The following MTX2 variants were observed in gnomAD, a reference collection of about 807,000 sequenced individuals.
MTX2 encodes the protein metaxin-2.
MTX2 carries 35 observed loss-of-function variants against 42.3 expected under a neutral mutation model. That is an observed-to-expected ratio of 0.83 (90% CI 0.63 to 1.10). MTX2 has a LOEUF of 1.10. Among genes scored for constraint, MTX2 ranks in the 50% least tolerant of loss-of-function variants. The pLI is 0.00. For synonymous variants in MTX2, 119 were observed against 100.9 expected, an observed-to-expected ratio of 1.18 and a Z score of -1.08; for missense variants, 307 against 304.1, an observed-to-expected ratio of 1.01 and a Z score of -0.07.
chr2:176,312,732 GCATGCCTGTAATCC>G (rs1432376712), intron 3 of MTX2, among the ~76,000 whole-genome samples: 2 of 151,466 alleles, frequency 1.3e-5, no homozygotes, highest in Admixed American at 6.6e-5. Context: ...GGGTGGTGGC[GCATGCCTGTAATCC>G]CAGCTACTCG....
intron 3 of MTX2, among the ~76,000 whole-genome samples, chr2:176,302,596 C>G (rs1684050378): frequency 6.6e-6 from 1 of 151,954 alleles, no homozygotes; most frequent in Non-Finnish European, 1.5e-5. Context: ...GCCACCAAGC[C>G]CAGCTATTTT....
intron 3 of MTX2, among the ~76,000 whole-genome samples, chr2:176,310,136 A>G (rs1415022184): frequency 6.6e-6 from 1 of 152,032 alleles, no homozygotes; most frequent in South Asian, 2.1e-4. Flanking sequence ...GCTTGTCTGT[A>G]AAGGATTTTA....
At chr2:176,274,233 G>A (rs1692892915) in intron 1 of MTX2, among the ~76,000 whole-genome samples, 1 of 151,922 alleles carries the variant, frequency 6.6e-6, no homozygotes, top group Non-Finnish European at 1.5e-5. Context: ...ATACCACACA[G>A]ATTAAGACTT....
intron 1 of MTX2, among the ~76,000 whole-genome samples, chr2:176,290,424 A>G (rs945702585): frequency 6.6e-6 from 1 of 152,126 alleles, no homozygotes; most frequent in Non-Finnish European, 1.5e-5. Flanking sequence ...GTTTCCTGCA[A>G]AAACTTCAAA....
Position 176,330,617 on chromosome 2 carries a change from C to G in MTX2, c.577C>G (p.Leu193Val), listed in dbSNP as rs757776300. ...LEDVDQCCQA[L>V]SQRLGTQPYF... ...GGATGTAGACCAGTGCTGTCAAGCTCTCTCTCAAAGACTGGGAACACAACC... is the reference window on the plus strand; with the variant it reads ...GGATGTAGACCAGTGCTGTCAAGCTGTCTCTCAAAGACTGGGAACACAACC... The change falls in exon 9 of 10, where the codon CTC (leucine) becomes GTC (valine). Residue 193 changes from leucine (L) to valine (V), a missense_variant. Coordinates refer to ENST00000249442, the MANE Select transcript of MTX2 (RefSeq NM_006554.5). The G allele has an allele frequency of 6.3e-6, 10 of 1,595,016 alleles. No individual in the cohort carries two copies. Among genetic ancestry groups the G allele is most frequent in the African/African-American group, 5.4e-5 (4 of 74,420 alleles).
intron 1 of MTX2, among the ~76,000 whole-genome samples, chr2:176,284,723 A>G (rs1693155418): frequency 6.6e-6 from 1 of 151,592 alleles, no homozygotes; most frequent in Admixed American, 6.6e-5. Flanking sequence ...AAGATGGTCA[A>G]AAATCTTCTT....
intron 3 of MTX2, among the ~76,000 whole-genome samples, chr2:176,320,131 T>C (rs1353955783): frequency 6.6e-6 from 1 of 152,068 alleles, no homozygotes; most frequent in Non-Finnish European, 1.5e-5. Flanking sequence ...AGTTAGTTTT[T>C]ATAAAAAAAT....
intron 3 of MTX2, among the ~76,000 whole-genome samples, chr2:176,315,155 A>T (rs940116730): frequency 6.6e-6 from 1 of 152,188 alleles, no homozygotes; most frequent in Non-Finnish European, 1.5e-5. Context: ...CCTTTGAAAA[A>T]AGAGTAGAGT....
intron 3 of MTX2, among the ~76,000 whole-genome samples, chr2:176,303,177 A>G (rs1177376571): frequency 2.6e-5 from 4 of 152,144 alleles, no homozygotes; most frequent in Non-Finnish European, 5.9e-5. Context: ...AAGTAGGATG[A>G]CATGAGTGGA....
intron 1 of MTX2, chr2:176,270,459 TGAAA>T (rs1263795042): frequency 2.3e-6 from 3 of 1,287,210 alleles, no homozygotes; most frequent in Middle Eastern, 3.4e-4. Context: ...TTTATTGTAA[TGAAA>T]GAAATTAAAT....
chr2:176,280,904 A>G (rs971344505), intron 1 of MTX2, among the ~76,000 whole-genome samples: 2 of 152,218 alleles, frequency 1.3e-5, no homozygotes, highest in African/African-American at 4.8e-5. Flanking sequence ...GCTGATCCAG[A>G]CAGTTGTCAG....
At chr2:176,281,203 G>A (rs907132685) in intron 1 of MTX2, among the ~76,000 whole-genome samples, 2 of 152,118 alleles carry the variant, frequency 1.3e-5, no homozygotes, top group Non-Finnish European at 1.5e-5. Flanking sequence ...TTCTAAGATA[G>A]GGTTACTTAT....
At position 176,320,915 on chromosome 2, in the gene MTX2, T is replaced by C. The variant is rs143647467; in HGVS notation, c.136-2477T>C. On this transcript the variant is annotated intron_variant, in intron 3 of 9. Coordinates refer to ENST00000249442, the MANE Select transcript of MTX2 (RefSeq NM_006554.5). ...TCTCCCTATGTTTTCTAAGCTGGTC[T>C]TGAACTCCTGGCCTCAAGTGGTCCT... Among the ~76,000 whole-genome samples the C allele has an allele frequency of 3.0e-3, 464 of 152,244 alleles. 5 individuals carry two copies. Among genetic ancestry groups the C allele is most frequent in the African/African-American group, 0.01 (421 of 41,550 alleles).
At position 176,269,495 on chromosome 2, in the gene MTX2, C is replaced by G. The variant is rs1356225739; in HGVS notation, c.-135C>G. The G allele has an allele frequency of 1.0e-6, 1 of 973,068 alleles. No individual in the cohort carries two copies. Among genetic ancestry groups the G allele is most frequent in the East Asian group, 3.1e-5 (1 of 32,036 alleles). The allele number at this position is 973,068 out of a possible 1,614,324, so 60.3% of individuals were successfully genotyped here. A position where few individuals can be genotyped will look rare whatever the true frequency, so the allele number is the denominator to read the frequency against. ...GGGGGCCTCACTGCAGCCGCCGCTG[C>G]TGTTGGAGTGGGCTTTGCGAGTCTG... On this transcript the variant is annotated 5_prime_UTR_variant, in exon 1 of 10. Transcript: ENST00000249442.
intron 5 of MTX2, among the ~76,000 whole-genome samples, chr2:176,327,106 T>G (rs971506388): frequency 2.0e-5 from 3 of 151,256 alleles, no homozygotes; most frequent in African/African-American, 4.8e-5. Context: ...AATGTCAAAT[T>G]TATTAAAGGT....
At chr2:176,322,754 G>A (rs1575058436) in intron 3 of MTX2, among the ~76,000 whole-genome samples, 2 of 151,886 alleles carry the variant, frequency 1.3e-5, no homozygotes, top group East Asian at 3.9e-4. Flanking sequence ...TTTTAAAATT[G>A]ATTGTGTATA....
chr2:176,276,167 T>A (rs973209464), intron 1 of MTX2, among the ~76,000 whole-genome samples: 2 of 152,262 alleles, frequency 1.3e-5, no homozygotes, highest in Non-Finnish European at 2.9e-5. Context: ...ATGAAGTATC[T>A]ACATACAGTT....
At chr2:176,322,385 C>T (rs1684605968) in intron 3 of MTX2, among the ~76,000 whole-genome samples, 1 of 152,140 alleles carries the variant, frequency 6.6e-6, no homozygotes, top group East Asian at 1.9e-4. Context: ...TTACTTTTGA[C>T]AGCTATTTAT....
At chr2:176,300,766 A>G (rs1684006126) in intron 3 of MTX2, among the ~76,000 whole-genome samples, 1 of 152,140 alleles carries the variant, frequency 6.6e-6, no homozygotes, top group Non-Finnish European at 1.5e-5. Context: ...GTAAAATAGA[A>G]ATATAATAGA....
Sources: gnomAD v4.1 joint callset for allele counts (sites outside exome capture counted in the v4.1 genomes callset) on GRCh38, gnomAD v4.1.1 for gene constraint, MANE v1.5 for transcripts, NCBI Gene and HGNC (gene_info 2026-07-23, HGNC 2026-07-21) for gene names.